The following RNF13 variants were observed in gnomAD, a reference collection of about 807,000 sequenced individuals.
The protein encoded by RNF13 is ring finger protein 13.
RNF13 carries 19 observed loss-of-function variants against 37.7 expected under a neutral mutation model. The ratio of observed to expected loss-of-function variants is 0.50; its 90% confidence interval spans 0.35 to 0.74. The LOEUF is 0.74. Ranked by LOEUF, RNF13 falls within the 30% of genes least tolerant of loss-of-function variation. The probability of loss-of-function intolerance (pLI) is 0.01; values close to 1 mark genes in which losing one functional copy is unlikely to be tolerated. For missense variants in RNF13, 375 were observed against 453.0 expected (o/e 0.83, Z 1.56); for synonymous variants, 144 against 157.8 (o/e 0.91, Z 0.65).
At chr3:149,958,895 TA>T (rs1201609667) in intron 8 of RNF13, among the ~76,000 whole-genome samples, 1 of 152,226 alleles carries the variant, frequency 6.6e-6, no homozygotes, top group African/African-American at 2.4e-5. Flanking sequence ...CAAAACTTAG[TA>T]ATTTTCATTA....
At chr3:149,907,287 AAT>A (rs1199063429) in intron 6 of RNF13, among the ~76,000 whole-genome samples, 4 of 152,176 alleles carry the variant, frequency 2.6e-5, no homozygotes, top group African/African-American at 9.7e-5. Flanking sequence ...CACCATGTTA[AAT>A]AGTAGTAGAG....
chr3:149,957,147 T>G (rs1721942386), intron 8 of RNF13, among the ~76,000 whole-genome samples: 1 of 152,228 alleles, frequency 6.6e-6, no homozygotes, highest in Admixed American at 6.5e-5. Context: ...CTATTTTAAA[T>G]GTAATTGTAA....
In RNF13 at chr3:149,961,996, A is replaced by C. The variant is rs1254048859; in HGVS notation, c.*892A>C. 6.6e-6 allele frequency: 1 copy of C among 152,668 alleles called. No homozygotes were observed. Among genetic ancestry groups the C allele is most frequent in the Non-Finnish European group, 1.5e-5 (1 of 68,030 alleles). 9.5% of individuals were successfully genotyped at this position (152,668 alleles called of 1,614,324 possible). On this transcript the variant is annotated 3_prime_UTR_variant, in exon 10 of 10. Coordinates refer to ENST00000392894, the MANE Select transcript of RNF13 (RefSeq NM_183381.3). ...TAATGATGTATTGAAACACTGTATT[A>C]TGAAAAGCTAAATTATACATCATTG...
At chr3:149,878,680 TTTC>T (rs754659518) in intron 4 of RNF13, among the ~76,000 whole-genome samples, 39 of 152,216 alleles carry the variant, frequency 2.6e-4, no homozygotes, top group Non-Finnish European at 4.6e-4. Flanking sequence ...TACTTCTTAA[TTTC>T]TTCTTATTTC....
chr3:149,935,980 A>G (rs1448766195), intron 8 of RNF13, among the ~76,000 whole-genome samples: 1 of 150,900 alleles, frequency 6.6e-6, no homozygotes, highest in African/African-American at 2.4e-5. Flanking sequence ...TCTCTCATTT[A>G]TGGTTGAAGG....
chr3:149,917,179 C>T, intron 7 of RNF13, among the ~76,000 whole-genome samples: 1 of 152,074 alleles, frequency 6.6e-6, no homozygotes, highest in East Asian at 1.9e-4. Flanking sequence ...ACACTTGGTT[C>T]AGCTCCACCA....
chr3:149,911,729 T>G (rs1052697313), intron 6 of RNF13, among the ~76,000 whole-genome samples: 1 of 152,050 alleles, frequency 6.6e-6, no homozygotes, highest in African/African-American at 2.4e-5. Context: ...AAGAATTGAT[T>G]GGCTAGTTTT....
intron 1 of RNF13, among the ~76,000 whole-genome samples, chr3:149,828,538 T>G (rs536488658): frequency 6.6e-6 from 1 of 152,352 alleles, no homozygotes; most frequent in East Asian, 1.9e-4. Flanking sequence ...ATGAAAGCAA[T>G]TTCATTGTCA....
In RNF13 at chr3:149,895,462, TTGC is replaced by T. The variant is rs1559935067; in HGVS notation, c.322-9_322-7del. 3 of 1,297,050 alleles carry T rather than the reference TTGC, an allele frequency of 2.3e-6. No homozygotes were observed. Among genetic ancestry groups the T allele is most frequent in the Admixed American group, 2.7e-5 (1 of 37,508 alleles). The allele number at this position is 1,297,050 out of a possible 1,614,324, so 80.3% of individuals were successfully genotyped here. A position where few individuals can be genotyped will look rare whatever the true frequency, so the allele number is the denominator to read the frequency against. ...ATAACATAATTTTTTTTTTTTTTTT[TTGC>T]TTTGCAGGTTTTAAATGCACAGAGA... On this transcript the variant is annotated splice_region_variant and splice_polypyrimidine_tract_variant and intron_variant, in intron 4 of 9. Coordinates refer to ENST00000392894, the MANE Select transcript of RNF13 (RefSeq NM_183381.3).
intron 1 of RNF13, among the ~76,000 whole-genome samples, chr3:149,826,321 G>A (rs945719691): frequency 8.5e-4 from 130 of 152,318 alleles, no homozygotes; most frequent in African/African-American, 3.1e-3. Context: ...TAACTGTAAG[G>A]ACTATAGTGT....
intron 6 of RNF13, among the ~76,000 whole-genome samples, chr3:149,905,775 A>G (rs1023945352): frequency 7.2e-5 from 11 of 152,232 alleles, no homozygotes; most frequent in African/African-American, 2.2e-4. Flanking sequence ...CAGTTATTCC[A>G]ATGGGGTTTT....
chr3:149,834,873 A>T (rs1305296641), intron 1 of RNF13, among the ~76,000 whole-genome samples: 1 of 152,238 alleles, frequency 6.6e-6, no homozygotes, highest in Non-Finnish European at 1.5e-5. Flanking sequence ...CTTTATAGCG[A>T]CACAAATGGA....
chr3:149,864,580 T>C (rs1455519910), intron 3 of RNF13, among the ~76,000 whole-genome samples: 1 of 152,148 alleles, frequency 6.6e-6, no homozygotes, highest in Non-Finnish European at 1.5e-5. Context: ...ATCCATTGAG[T>C]GAACACACAT....
intron 8 of RNF13, among the ~76,000 whole-genome samples, chr3:149,951,345 T>C (rs1440105339): frequency 6.6e-6 from 1 of 152,222 alleles, no homozygotes; most frequent in Non-Finnish European, 1.5e-5. Context: ...AGGATGCAAG[T>C]TGGGTGAGGA....
chr3:149,867,348 C>T (rs1309663946), intron 3 of RNF13, among the ~76,000 whole-genome samples: 1,894 of 150,916 alleles, frequency 0.013, 17 homozygotes, highest in Non-Finnish European at 0.02. Flanking sequence ...TCACTGCAAG[C>T]TCCGCCTCCC....
Position 149,928,257 on chromosome 3 carries a change from G to A in RNF13, c.700+7030G>A, listed in dbSNP as rs139697871. Among the ~76,000 whole-genome samples, 5 of 151,806 alleles carry A rather than the reference G, an allele frequency of 3.3e-5. No homozygotes were observed. The East Asian group carries it at 9.7e-4, about 29-fold the overall frequency. ...CTAAGAATACACTGTCAAATCTAAG[G>A]TCATAAAGATTTACCCTATGTTTTC... On this transcript the variant is annotated intron_variant, in intron 8 of 9. Transcript: ENST00000392894.
intron 1 of RNF13, among the ~76,000 whole-genome samples, chr3:149,820,296 C>T (rs968620949): frequency 6.6e-6 from 1 of 151,898 alleles, no homozygotes; most frequent in Admixed American, 6.6e-5. Flanking sequence ...AAGCAATCCT[C>T]CCTCCTCAGC....
At chr3:149,928,702 ATT>A (rs1009076319) in intron 8 of RNF13, among the ~76,000 whole-genome samples, 3 of 152,112 alleles carry the variant, frequency 2.0e-5, no homozygotes, top group African/African-American at 7.2e-5. Flanking sequence ...AGAACTTTAT[ATT>A]TTTGCAAAAA....
intron 4 of RNF13, among the ~76,000 whole-genome samples, chr3:149,878,153 A>G (rs117217854): frequency 2.0e-5 from 3 of 152,268 alleles, no homozygotes; most frequent in East Asian, 3.9e-4. Context: ...GAATTTTTAC[A>G]TAGGTATCCT....
Sources: allele counts gnomAD v4.1 joint callset (sites outside exome capture counted in the v4.1 genomes callset), GRCh38; gene constraint gnomAD v4.1.1; transcripts MANE v1.5; gene names NCBI Gene and HGNC (gene_info 2026-07-23, HGNC 2026-07-21).